Variants in CADPS observed in about 807,000 individuals in gnomAD.
CADPS encodes the protein calcium-dependent secretion activator 1.
Under a neutral mutation model 167.3 loss-of-function variants are expected in CADPS, and 57 were observed. The ratio of observed to expected loss-of-function variants is 0.34; its 90% confidence interval spans 0.28 to 0.42. The LOEUF (loss-of-function observed/expected upper bound fraction) is 0.42. Among genes scored for constraint, CADPS ranks in the 20% least tolerant of loss-of-function variants. The pLI, the probability that CADPS is intolerant of heterozygous loss-of-function variation, is 1.00. For synonymous variants in CADPS, 676 were observed against 635.3 expected (o/e 1.06, Z -0.96); for missense variants, 1,414 against 1,738.1 (o/e 0.81, Z 3.32).
At chr3:62,576,001 G>A (rs928789206) in intron 8 of CADPS, among the ~76,000 whole-genome samples, 20 of 152,152 alleles carry the variant, frequency 1.3e-4, no homozygotes, top group Admixed American at 6.5e-4. Flanking sequence ...CCGGCTCTGC[G>A]TTTTCTTGGG....
chr3:62,768,292 G>C (rs1408623169), intron 1 of CADPS, among the ~76,000 whole-genome samples: 1 of 152,082 alleles, frequency 6.6e-6, no homozygotes, highest in Admixed American at 6.5e-5. Flanking sequence ...ACCAACCAAG[G>C]CATCTCACAG....
At position 62,478,557 on chromosome 3, in the gene CADPS, G is replaced by C; in HGVS notation, c.3174-141C>G. The C allele has an allele frequency of 1.3e-6, 1 of 740,986 alleles. No homozygotes were observed. Among genetic ancestry groups the C allele is most frequent in the Admixed American group, 2.7e-5 (1 of 36,490 alleles). The allele number at this position is 740,986 out of a possible 1,614,324, so 45.9% of individuals were successfully genotyped here. On this transcript the variant is annotated intron_variant, in intron 22 of 29. Coordinates refer to ENST00000383710, the MANE Select transcript of CADPS (RefSeq NM_003716.4). The surrounding 1 kb of genome is among the most constrained non-coding windows in gnomAD (Gnocchi z 5.7). ...ACGTGTGTTGGCGGTGGAGGCGGGG[G>C]CGAGTCTCCACCGGCAGATTTTGAG... is the stretch of plus-strand genomic sequence containing the variant.
intron 6 of CADPS, among the ~76,000 whole-genome samples, chr3:62,598,878 C>T (rs550529482): frequency 3.3e-5 from 5 of 152,268 alleles, no homozygotes; most frequent in South Asian, 2.1e-4. Flanking sequence ...ACTGGTGGGA[C>T]GTTGGGCCAC....
chr3:62,630,557 A>C (rs368895091), intron 6 of CADPS, among the ~76,000 whole-genome samples: 3 of 151,996 alleles, frequency 2.0e-5, no homozygotes, highest in African/African-American at 7.3e-5. Flanking sequence ...GGGTTTCACC[A>C]TGTTGGCCAG....
At chr3:62,594,810 G>GCT (rs774925372) in intron 6 of CADPS, among the ~76,000 whole-genome samples, 3 of 152,140 alleles carry the variant, frequency 2.0e-5, no homozygotes, top group Non-Finnish European at 4.4e-5. Context: ...CACTTTCAAG[G>GCT]CTTGAGATGC....
At chr3:62,448,734 CT>C (rs1473052820) in intron 26 of CADPS, among the ~76,000 whole-genome samples, 29 of 152,162 alleles carry the variant, frequency 1.9e-4, no homozygotes, top group African/African-American at 6.7e-4. Context: ...CTGCCTCAGC[CT>C]CCTGAGTAGC....
intron 26 of CADPS, among the ~76,000 whole-genome samples, chr3:62,464,367 C>T (rs1901525): frequency 0.047 from 7,223 of 152,244 alleles, 308 homozygotes; most frequent in African/African-American, 0.11. Flanking sequence ...ATTCTTCATA[C>T]AGTGAGGCTG....
At chr3:62,703,641 T>C (rs1580773457) in intron 3 of CADPS, among the ~76,000 whole-genome samples, 1 of 152,120 alleles carries the variant, frequency 6.6e-6, no homozygotes, top group Non-Finnish European at 1.5e-5. Context: ...GAATGAATCA[T>C]GAGCTCTAAA....
intron 3 of CADPS, among the ~76,000 whole-genome samples, chr3:62,683,435 A>C (rs2077462615): frequency 6.6e-6 from 1 of 152,046 alleles, no homozygotes; most frequent in Non-Finnish European, 1.5e-5. Context: ...TTCTGTAAGA[A>C]AGGTTCTTTT....
intron 29 of CADPS, among the ~76,000 whole-genome samples, chr3:62,401,745 T>TG (rs1706278180): frequency 6.6e-6 from 1 of 151,920 alleles, no homozygotes; most frequent in Non-Finnish European, 1.5e-5. Context: ...TTTTTTTTTT[T>TG]GTTTTGGCAA....
chr3:62,745,255 T>C (rs116536498), intron 3 of CADPS, among the ~76,000 whole-genome samples: 13,419 of 152,146 alleles, frequency 0.088, 648 homozygotes, highest in South Asian at 0.17. Context: ...TTATTTTTTG[T>C]AGAGACGGCA....
At chr3:62,794,577 T>A (rs530550961) in intron 1 of CADPS, among the ~76,000 whole-genome samples, 1 of 152,160 alleles carries the variant, frequency 6.6e-6, no homozygotes, top group Non-Finnish European at 1.5e-5. Context: ...TACAGGTATT[T>A]AGTAAATAAT....
chr3:62,466,303 T>C (rs2059929000), intron 25 of CADPS, 36 bp downstream of exon 25: 4 of 1,406,996 alleles, frequency 2.8e-6, no homozygotes, highest in Non-Finnish European at 4.0e-6. Context: ...AAAGCAGTGT[T>C]CACAATGAAA....
intron 17 of CADPS, among the ~76,000 whole-genome samples, chr3:62,501,608 T>C (rs2065780876): frequency 6.6e-6 from 1 of 152,174 alleles, no homozygotes; most frequent in Admixed American, 6.5e-5. Flanking sequence ...TTGGGGCACA[T>C]CTTTGAAATC....
intron 6 of CADPS, among the ~76,000 whole-genome samples, chr3:62,636,542 A>C (rs1301002543): frequency 6.6e-6 from 1 of 152,230 alleles, no homozygotes; most frequent in East Asian, 1.9e-4. Flanking sequence ...GATAATTGGC[A>C]TCATGCCAAG....
chr3:62,470,469 T>C (rs1031433323), intron 24 of CADPS, among the ~76,000 whole-genome samples: 1 of 152,254 alleles, frequency 6.6e-6, no homozygotes, highest in African/African-American at 2.4e-5. Flanking sequence ...ACTTTGGAGA[T>C]GAATATTCCC....
At chr3:62,818,326 G>A (rs762627331) in intron 1 of CADPS, among the ~76,000 whole-genome samples, 27 of 152,202 alleles carry the variant, frequency 1.8e-4, no homozygotes, top group Admixed American at 4.6e-4. Context: ...CAGGGACAGC[G>A]TTCCTACAAC....
At chr3:62,492,596 T>A (rs920856064) in intron 19 of CADPS, 150 bp from the exon 20 acceptor site, 4 of 796,826 alleles carry the variant, frequency 5.0e-6, no homozygotes, top group Non-Finnish European at 8.3e-6. Flanking sequence ...GAATTTTTGA[T>A]ACAATTGGGG....
intron 2 of CADPS, among the ~76,000 whole-genome samples, chr3:62,761,756 G>T (rs913779339): frequency 1.3e-5 from 2 of 152,040 alleles, no homozygotes; most frequent in South Asian, 2.1e-4. Flanking sequence ...GTTAGAAAAG[G>T]TGTGAGGAAC....
Sources: gnomAD v4.1 joint callset for allele counts (sites outside exome capture counted in the v4.1 genomes callset) on GRCh38, gnomAD v4.1.1 for gene constraint, Gnocchi (gnomAD v3.1) non-coding constraint, MANE v1.5 for transcripts, NCBI Gene and HGNC (gene_info 2026-07-23, HGNC 2026-07-21) for gene names.